The following PRKN variants were observed in gnomAD, a reference collection of about 807,000 sequenced individuals.
PRKN encodes the protein parkin RBR E3 ubiquitin protein ligase, also known as E3 ubiquitin-protein ligase parkin.
PRKN carries 56 observed loss-of-function variants against 59.5 expected under a neutral mutation model. The ratio of observed to expected loss-of-function variants is 0.94; its 90% CI spans 0.76 to 1.18. PRKN has a LOEUF of 1.18. Ranked by LOEUF, PRKN falls within the 50% of genes most tolerant of loss-of-function variation. The pLI is 0.00. For missense variants in PRKN, 657 were observed against 596.4 expected (o/e 1.10, Z -1.06); for synonymous variants, 250 against 222.1 (o/e 1.13, Z -1.12).
At position 161,365,256 on chromosome 6, in the gene PRKN, G is replaced by A. The variant is rs143339484; in HGVS notation, c.1168-5051C>T. On this transcript the variant is annotated intron_variant, in intron 10 of 11. Transcript: ENST00000366898. ...GCAAATATCCCAGCACTCCCAACCC[G>A]TGTGGACAGATTATCATTGAGGGCA... Among the ~76,000 whole-genome samples, 714 of 152,248 alleles carry A rather than the reference G, an allele frequency of 4.7e-3. 10 individuals carry two copies. Among genetic ancestry groups the A allele is most frequent in the African/African-American group, 0.016 (653 of 41,538 alleles).
At chr6:161,639,731 TA>T (rs768403576) in intron 7 of PRKN, among the ~76,000 whole-genome samples, 8 of 152,152 alleles carry the variant, frequency 5.3e-5, no homozygotes, top group Non-Finnish European at 8.8e-5. Context: ...CATTCTCCAT[TA>T]TTAGTCTTTT....
At chr6:162,381,813 CT>C (rs1583472001) in intron 2 of PRKN, among the ~76,000 whole-genome samples, 4 of 152,228 alleles carry the variant, frequency 2.6e-5, no homozygotes, top group South Asian at 4.2e-4. Flanking sequence ...ATATTCTATA[CT>C]GATAGTTAAT....
At chr6:162,705,231 C>T (rs1340651291) in intron 1 of PRKN, among the ~76,000 whole-genome samples, 4 of 152,246 alleles carry the variant, frequency 2.6e-5, no homozygotes, top group Admixed American at 2.0e-4. Flanking sequence ...TGCCTCTCCC[C>T]TCCTCACCCC....
At chr6:161,629,004 G>C (rs1247833751) in intron 7 of PRKN, among the ~76,000 whole-genome samples, 1 of 152,144 alleles carries the variant, frequency 6.6e-6, no homozygotes, top group Non-Finnish European at 1.5e-5. Flanking sequence ...ATAATGGGCA[G>C]GCAAAGGAGT....
chr6:162,141,111 CAG>C (rs1336632464), intron 4 of PRKN, among the ~76,000 whole-genome samples: 1 of 151,814 alleles, frequency 6.6e-6, no homozygotes, highest in Non-Finnish European at 1.5e-5. Flanking sequence ...GCCTGGGCGA[CAG>C]AGTGAGACCC....
intron 5 of PRKN, among the ~76,000 whole-genome samples, chr6:162,021,186 TTATATATATAATATATATAATATATA>T (rs1783166430): frequency 9.9e-6 from 1 of 100,676 alleles, no homozygotes; most frequent in Non-Finnish European, 2.0e-5. Context: ...TGTATATATA[TTATATATATAATATATATAATATATA>T]ACATCTATAT....
chr6:162,387,125 A>C (rs1199678692), intron 2 of PRKN, among the ~76,000 whole-genome samples: 2 of 152,002 alleles, frequency 1.3e-5, no homozygotes, highest in African/African-American at 4.8e-5. Flanking sequence ...AAATATGCTA[A>C]TAGAATTTTT....
chr6:162,301,025 A>T (rs1033506695), intron 2 of PRKN, among the ~76,000 whole-genome samples: 2 of 152,126 alleles, frequency 1.3e-5, no homozygotes, highest in African/African-American at 4.8e-5. Flanking sequence ...TAACTTCTGA[A>T]AAAAAGAGAT....
intron 1 of PRKN, among the ~76,000 whole-genome samples, chr6:162,589,731 T>A (rs1465898048): frequency 2.0e-5 from 3 of 152,232 alleles, no homozygotes; most frequent in Admixed American, 2.0e-4. Context: ...TATTTGCATT[T>A]GTATTCTCAA....
chr6:162,475,625 G>A (rs182496672), intron 1 of PRKN, among the ~76,000 whole-genome samples: 1 of 152,324 alleles, frequency 6.6e-6, no homozygotes, highest in Non-Finnish European at 1.5e-5. Context: ...GAGTGTACGT[G>A]TGCAAATCAA....
intron 9 of PRKN, among the ~76,000 whole-genome samples, chr6:161,398,094 G>A (rs1786851948): frequency 1.3e-5 from 2 of 152,144 alleles, no homozygotes; most frequent in African/African-American, 4.8e-5. Context: ...TTTCAATGGA[G>A]GAGGATAAGG....
intron 2 of PRKN, among the ~76,000 whole-genome samples, chr6:162,338,780 C>T (rs1173675467): frequency 2.0e-5 from 3 of 151,424 alleles, no homozygotes; most frequent in African/African-American, 2.4e-5. Context: ...CGTCTCCGCC[C>T]GGCCGCCATC....
At chr6:162,315,651 CA>C (rs1441636174) in intron 2 of PRKN, among the ~76,000 whole-genome samples, 1 of 152,058 alleles carries the variant, frequency 6.6e-6, no homozygotes, top group Non-Finnish European at 1.5e-5. Context: ...TCACTACCCA[CA>C]AAAAAGGTAG....
At chr6:161,842,549 C>CTCTTCCT (rs1793032254) in intron 6 of PRKN, among the ~76,000 whole-genome samples, 1 of 151,590 alleles carries the variant, frequency 6.6e-6, no homozygotes, top group Non-Finnish European at 1.5e-5. Context: ...CTGAGGACAC[C>CTCTTCCT]TCTTCCTTCT....
intron 9 of PRKN, among the ~76,000 whole-genome samples, chr6:161,452,856 C>T (rs988228833): frequency 2.0e-5 from 3 of 149,686 alleles, no homozygotes; most frequent in African/African-American, 7.3e-5. Context: ...AATCCAAATT[C>T]TCTCTCTCTC....
At chr6:162,582,727 C>T (rs912878298) in intron 1 of PRKN, among the ~76,000 whole-genome samples, 1 of 152,178 alleles carries the variant, frequency 6.6e-6, no homozygotes, top group African/African-American at 2.4e-5. Context: ...TACCACAGTG[C>T]TAGGTACTCA....
At chr6:162,031,895 A>G (rs1289883008) in intron 5 of PRKN, among the ~76,000 whole-genome samples, 1 of 152,220 alleles carries the variant, frequency 6.6e-6, no homozygotes, top group Non-Finnish European at 1.5e-5. Flanking sequence ...ACAGAAAGAA[A>G]TACCATGTCA....
At chr6:162,491,544 C>G (rs1792817063) in intron 1 of PRKN, among the ~76,000 whole-genome samples, 1 of 152,190 alleles carries the variant, frequency 6.6e-6, no homozygotes, top group African/African-American at 2.4e-5. Flanking sequence ...CCGTGCCTCA[C>G]TCACTTTCCG....
chr6:162,621,536 AACCAGCCGAATCAGACACAAGCTAAAT>A (rs1464028730), intron 1 of PRKN, among the ~76,000 whole-genome samples: 1 of 152,202 alleles, frequency 6.6e-6, no homozygotes, highest in East Asian at 1.9e-4. Flanking sequence ...CAGAAGAATC[AACCAGCCGAATCAGACACAAGCTAAAT>A]GAATGGTCTT....
Sources: allele counts gnomAD v4.1 joint callset (sites outside exome capture counted in the v4.1 genomes callset), GRCh38; gene constraint gnomAD v4.1.1; transcripts MANE v1.5; gene names NCBI Gene and HGNC (gene_info 2026-07-23, HGNC 2026-07-21).